CAPN13: variants seen among roughly 807,000 people sequenced by gnomAD.
The protein encoded by CAPN13 is calpain 13, also known as calpain-13.
CAPN13 carries 90 observed loss-of-function variants against 98.4 expected under a neutral mutation model. That is an observed-to-expected ratio of 0.92 (90% CI 0.77 to 1.09). The LOEUF (loss-of-function observed/expected upper bound fraction) is 1.09. CAPN13 is among the 50% of genes least tolerant of loss of function. The probability of loss-of-function intolerance (pLI) is 0.00; values close to 1 mark genes in which losing one functional copy is unlikely to be tolerated. For synonymous variants in CAPN13, 330 were observed against 305.5 expected (o/e 1.08, Z -0.84); for missense variants, 887 against 841.3 (o/e 1.05, Z -0.67).
chr2:30,761,365 G>T (rs1483096147), intron 7 of CAPN13, among the ~76,000 whole-genome samples: 1 of 152,132 alleles, frequency 6.6e-6, no homozygotes, highest in African/African-American at 2.4e-5. Flanking sequence ...TTCGAGCTGT[G>T]GGTGTCATGA....
chr2:30,787,709 G>C lies in CAPN13; in HGVS notation c.-32-352C>G, dbSNP rs139257900. ...CTTCCCTGAGCAGCAAGTGCGCAGAGGCCCATGAGTTGCATTGGAAAGGTC... is the reference window on the plus strand; with the variant it reads ...CTTCCCTGAGCAGCAAGTGCGCAGACGCCCATGAGTTGCATTGGAAAGGTC... On this transcript the variant is annotated intron_variant, in intron 1 of 22. Transcript: ENST00000295055. Among the ~76,000 whole-genome samples the C allele has an allele frequency of 7.2e-5, 11 of 152,350 alleles. No homozygotes were observed. In the East Asian group the frequency reaches 2.1e-3, roughly 29 times the overall value.
chr2:30,737,903 T>G, intron 17 of CAPN13: 1 of 334,858 alleles, frequency 3.0e-6, no homozygotes, highest in Non-Finnish European at 5.7e-6. Context: ...AACTCCTGTT[T>G]CTTCTACTGT....
At chr2:30,749,807 G>A (rs1254958441) in intron 11 of CAPN13, among the ~76,000 whole-genome samples, 2 of 152,198 alleles carry the variant, frequency 1.3e-5, no homozygotes, top group East Asian at 1.9e-4. Context: ...GCTGTGCGGT[G>A]TATGGTTTGA....
intron 8 of CAPN13, among the ~76,000 whole-genome samples, chr2:30,757,172 G>C (rs886442385): frequency 6.6e-6 from 1 of 152,210 alleles, no homozygotes; most frequent in Non-Finnish European, 1.5e-5. Context: ...GCTGTGTCAC[G>C]ACATTTTTCA....
At chr2:30,750,865 C>T (rs952636240) in intron 11 of CAPN13, among the ~76,000 whole-genome samples, 2 of 152,236 alleles carry the variant, frequency 1.3e-5, no homozygotes, top group African/African-American at 2.4e-5. Flanking sequence ...CCAGAAAACG[C>T]TGACAGGCGA....
intron 4 of CAPN13, among the ~76,000 whole-genome samples, chr2:30,771,600 A>G (rs968649162): frequency 6.6e-6 from 1 of 152,194 alleles, no homozygotes; most frequent in Non-Finnish European, 1.5e-5. Flanking sequence ...GGATGGTTTT[A>G]GGAGGGTGAT....
chr2:30,749,031 C>G (rs1008715765), intron 11 of CAPN13, among the ~76,000 whole-genome samples: 1 of 152,114 alleles, frequency 6.6e-6, no homozygotes, highest in Non-Finnish European at 1.5e-5. Context: ...ATCAAACACC[C>G]CTGTCACCTC....
chr2:30,751,112 T>C lies in CAPN13; in HGVS notation c.1227A>G (p.Gln409=). 6.2e-7 allele frequency: 1 copy of C among 1,613,638 alleles called. No homozygotes were observed. The highest frequency in any genetic ancestry group is 8.5e-7 in the Non-Finnish European group (1 of 1,179,736). ...AAGCAGGCTGCCTTACCAGAATCAC[T>C]TGGAAATCGAGTGGAAATTTTGCAT... ...AEDAKFPLDF[Q]VILAGSQRFR... Residue 409 remains glutamine (Q), a synonymous_variant, in exon 11 of 23, where the codon CAA becomes CAG. Coordinates refer to ENST00000295055, the MANE Select transcript of CAPN13 (RefSeq NM_144575.3).
At chr2:30,800,164 GAAA>G (rs1675174383) in intron 1 of CAPN13, among the ~76,000 whole-genome samples, 1 of 151,202 alleles carries the variant, frequency 6.6e-6, no homozygotes, top group Non-Finnish European at 1.5e-5. Context: ...AAGAAAGAAA[GAAA>G]GAAAGAAAGA....
At chr2:30,767,795 CT>C (rs1172707174) in intron 5 of CAPN13, among the ~76,000 whole-genome samples, 1 of 152,216 alleles carries the variant, frequency 6.6e-6, no homozygotes, top group Non-Finnish European at 1.5e-5. Context: ...TGGACTGTGA[CT>C]TCCAGAAGGA....
chr2:30,782,278 G>A (rs1375222948), intron 2 of CAPN13, among the ~76,000 whole-genome samples: 1 of 152,234 alleles, frequency 6.6e-6, no homozygotes, highest in South Asian at 2.1e-4. Flanking sequence ...TTGGATAAGA[G>A]AGCCCTGTGT....
intron 10 of CAPN13, 129 bp from the exon 11 acceptor site, chr2:30,751,380 C>T (rs556859979): frequency 1.1e-6 from 1 of 923,148 alleles, no homozygotes; most frequent in Non-Finnish European, 1.6e-6. Flanking sequence ...AGGCCTGGAT[C>T]CCAATCCCCA....
At chr2:30,772,889 T>C (rs1467643153) in intron 4 of CAPN13, among the ~76,000 whole-genome samples, 2 of 151,872 alleles carry the variant, frequency 1.3e-5, no homozygotes, top group Non-Finnish European at 2.9e-5. Flanking sequence ...TGCAGTGGCA[T>C]GATCTCGGCT....
intron 4 of CAPN13, among the ~76,000 whole-genome samples, chr2:30,773,491 T>C (rs930028649): frequency 3.9e-5 from 6 of 152,024 alleles, no homozygotes; most frequent in African/African-American, 1.2e-4. Flanking sequence ...AAAGTGAGCA[T>C]GAAATTAATA....
At chr2:30,758,288 A>G (rs954860734) in intron 7 of CAPN13, among the ~76,000 whole-genome samples, 151 bp from the exon 8 acceptor site, 1 of 152,182 alleles carries the variant, frequency 6.6e-6, no homozygotes, top group African/African-American at 2.4e-5. Flanking sequence ...GGGAAAAAAA[A>G]ATCAATGTCT....
chr2:30,785,802 A>G (rs999599863), intron 2 of CAPN13, among the ~76,000 whole-genome samples: 2 of 152,192 alleles, frequency 1.3e-5, no homozygotes, highest in Admixed American at 6.5e-5. Context: ...TAGCAAAGGG[A>G]AAAAAATGAC....
chr2:30,724,434 A>G (rs1393383541), intron 22 of CAPN13, among the ~76,000 whole-genome samples: 1 of 152,160 alleles, frequency 6.6e-6, no homozygotes, highest in Non-Finnish European at 1.5e-5. Flanking sequence ...CCACCCCTCC[A>G]GCTCCTCTCG....
At chr2:30,748,295 T>C (rs943311080) in intron 11 of CAPN13, among the ~76,000 whole-genome samples, 1 of 152,194 alleles carries the variant, frequency 6.6e-6, no homozygotes, top group Non-Finnish European at 1.5e-5. Flanking sequence ...CTGGAAAATC[T>C]GAGGGTCCTC....
intron 9 of CAPN13, 62 bp from the exon 10 acceptor site, chr2:30,753,260 C>G (rs1340514885): frequency 3.2e-6 from 5 of 1,568,932 alleles, no homozygotes; most frequent in Non-Finnish European, 4.4e-6. Context: ...GTGGGGGTTC[C>G]TATGACTTCA....
Sources: allele counts gnomAD v4.1 joint callset (sites outside exome capture counted in the v4.1 genomes callset), GRCh38; gene constraint gnomAD v4.1.1; transcripts MANE v1.5; gene names NCBI Gene and HGNC (gene_info 2026-07-23, HGNC 2026-07-21).